ERC2: variants seen among roughly 807,000 people sequenced by gnomAD.
The protein encoded by ERC2 is ERC protein 2.
Under a neutral mutation model 114.8 loss-of-function variants are expected in ERC2, and 42 were observed. That is an observed-to-expected ratio of 0.37 (90% CI 0.29 to 0.47). The LOEUF is 0.47. Ranked by LOEUF, ERC2 falls within the 20% of genes least tolerant of loss-of-function variation. The probability of loss-of-function intolerance (pLI) is 0.99; values close to 1 mark genes in which losing one functional copy is unlikely to be tolerated. For synonymous variants in ERC2, 454 were observed against 425.5 expected (o/e 1.07, Z -0.82); for missense variants, 939 against 1,150.7 (o/e 0.82, Z 2.66).
chr3:55,985,863 G>T lies in ERC2; in HGVS notation c.2267+114C>A, dbSNP rs138120724. Reference sequence around the variant, plus strand: ...AGGCATGGAATGAAATGAGCGGGGGGAAATGCAGTGGCCCGAGGAAAACCA... The same window carrying T: ...AGGCATGGAATGAAATGAGCGGGGGTAAATGCAGTGGCCCGAGGAAAACCA... On this transcript the variant is annotated intron_variant, in intron 12 of 17. Coordinates refer to ENST00000288221, the MANE Select transcript of ERC2 (RefSeq NM_015576.3). The T allele has an allele frequency of 2.8e-3, 2,497 of 895,314 alleles. 34 individuals carry two copies. In the African/African-American group the frequency reaches 0.036, roughly 13 times the overall value. The allele number at this position is 895,314 out of a possible 1,614,324, so 55.5% of individuals were successfully genotyped here. A position where few individuals can be genotyped will look rare whatever the true frequency, so the allele number is the denominator to read the frequency against.
chr3:56,305,623 A>G (rs928727435), intron 2 of ERC2, among the ~76,000 whole-genome samples: 11 of 152,166 alleles, frequency 7.2e-5, no homozygotes, highest in Admixed American at 5.2e-4. Context: ...ATGTTGATCA[A>G]TAAGAACTCC....
At chr3:56,329,694 A>C (rs1289837269) in intron 2 of ERC2, among the ~76,000 whole-genome samples, 1 of 152,116 alleles carries the variant, frequency 6.6e-6, no homozygotes, top group East Asian at 1.9e-4. Flanking sequence ...ACAGATGGAG[A>C]CCTAATCACA....
intron 2 of ERC2, among the ~76,000 whole-genome samples, chr3:56,323,811 G>A (rs1426736960): frequency 6.6e-6 from 1 of 152,052 alleles, no homozygotes; most frequent in Admixed American, 6.6e-5. Context: ...AAACCACTGT[G>A]GAAAAAACAT....
intron 17 of ERC2, among the ~76,000 whole-genome samples, chr3:55,597,140 G>A (rs554659064): frequency 6.6e-6 from 1 of 152,286 alleles, no homozygotes; most frequent in Non-Finnish European, 1.5e-5. Context: ...GAATGATTTG[G>A]CCGGGCGCGG....
intron 2 of ERC2, among the ~76,000 whole-genome samples, chr3:56,410,970 G>A (rs916989553): frequency 9.4e-5 from 14 of 148,158 alleles, no homozygotes; most frequent in African/African-American, 3.3e-4. Flanking sequence ...TGATCTATTA[G>A]TAACACAAGA....
At chr3:55,971,403 A>T in intron 12 of ERC2, among the ~76,000 whole-genome samples, 1 of 152,320 alleles carries the variant, frequency 6.6e-6, no homozygotes, top group Non-Finnish European at 1.5e-5. Flanking sequence ...TGCTATAAAA[A>T]AGTTTATAAA....
intron 3 of ERC2, among the ~76,000 whole-genome samples, chr3:56,286,138 G>A (rs1052053019): frequency 1.3e-5 from 2 of 152,156 alleles, no homozygotes; most frequent in Admixed American, 1.3e-4. Flanking sequence ...AGGTGGCCGG[G>A]CGCGGTGGCT....
chr3:55,920,531 T>C (rs2065364733), intron 13 of ERC2, among the ~76,000 whole-genome samples: 1 of 152,014 alleles, frequency 6.6e-6, no homozygotes, highest in Non-Finnish European at 1.5e-5. Flanking sequence ...ACATCATCTC[T>C]CCCTGGAGGT....
At chr3:55,999,292 T>C (rs2149542542) in intron 10 of ERC2, among the ~76,000 whole-genome samples, 1 of 152,270 alleles carries the variant, frequency 6.6e-6, no homozygotes, top group South Asian at 2.1e-4. Flanking sequence ...AATAATGATA[T>C]CAAGGCAAAA....
intron 17 of ERC2, among the ~76,000 whole-genome samples, chr3:55,535,441 T>G (rs890192399): frequency 2.0e-5 from 3 of 152,124 alleles, no homozygotes; most frequent in African/African-American, 4.8e-5. Context: ...GGAGAGAAGG[T>G]GGAAGTCTAT....
At chr3:56,269,768 A>T (rs1316486335) in intron 3 of ERC2, among the ~76,000 whole-genome samples, 1 of 152,206 alleles carries the variant, frequency 6.6e-6, no homozygotes, top group Non-Finnish European at 1.5e-5. Context: ...TCTGCTCAGA[A>T]CGGTCTATGT....
chr3:55,700,358 G>A (rs907378870), intron 15 of ERC2, among the ~76,000 whole-genome samples: 2 of 152,204 alleles, frequency 1.3e-5, no homozygotes, highest in Non-Finnish European at 2.9e-5. Context: ...AGGGTTTGAG[G>A]ACAGACCTGC....
chr3:56,210,966 G>A (rs1271845738), intron 3 of ERC2, among the ~76,000 whole-genome samples: 1 of 152,038 alleles, frequency 6.6e-6, no homozygotes, highest in Non-Finnish European at 1.5e-5. Flanking sequence ...ACCACCAAGG[G>A]GGCAAAAGTT....
chr3:55,723,014 T>C (rs187988188), intron 15 of ERC2, among the ~76,000 whole-genome samples: 1 of 152,336 alleles, frequency 6.6e-6, no homozygotes, highest in East Asian at 1.9e-4. Context: ...AAGACTTATG[T>C]ACTAAGATGT....
intron 13 of ERC2, among the ~76,000 whole-genome samples, chr3:55,946,366 TG>T (rs2067130388): frequency 6.6e-6 from 1 of 152,222 alleles, no homozygotes; most frequent in Non-Finnish European, 1.5e-5. Context: ...TTGCCCAAAA[TG>T]TTTTTTTAAT....
intron 17 of ERC2, among the ~76,000 whole-genome samples, chr3:55,524,506 T>TG (rs2053180527): frequency 6.6e-6 from 1 of 150,502 alleles, no homozygotes; most frequent in African/African-American, 2.5e-5. Context: ...AGTGGTTTTT[T>TG]TTTTTTTTTT....
chr3:55,576,560 G>A (rs1289122182), intron 17 of ERC2, among the ~76,000 whole-genome samples: 1 of 152,220 alleles, frequency 6.6e-6, no homozygotes, highest in Non-Finnish European at 1.5e-5. Context: ...CTTAGCATAT[G>A]TGTGCTGCTG....
chr3:56,467,878 G>C (rs978611579), intron 1 of ERC2, among the ~76,000 whole-genome samples: 7 of 152,018 alleles, frequency 4.6e-5, no homozygotes, highest in African/African-American at 1.4e-4. Flanking sequence ...GGCAAGAGGG[G>C]ACGCCAGGCA....
At chr3:55,827,633 A>G (rs1434118514) in intron 14 of ERC2, among the ~76,000 whole-genome samples, 1 of 152,182 alleles carries the variant, frequency 6.6e-6, no homozygotes, top group South Asian at 2.1e-4. Flanking sequence ...CTTGGGCACA[A>G]TGTAAATCAA....
Sources: allele counts gnomAD v4.1 joint callset (sites outside exome capture counted in the v4.1 genomes callset), GRCh38; gene constraint gnomAD v4.1.1; transcripts MANE v1.5; gene names NCBI Gene and HGNC (gene_info 2026-07-23, HGNC 2026-07-21).